PTPRG: variants seen among roughly 807,000 people sequenced by gnomAD.
PTPRG encodes the protein receptor-type tyrosine-protein phosphatase gamma.
A neutral mutation model predicts 165.3 loss-of-function variants in PTPRG; 102 were observed. That is an observed-to-expected ratio of 0.62 (90% CI 0.53 to 0.73). PTPRG has a LOEUF of 0.73. PTPRG is among the 30% of genes least tolerant of loss of function. PTPRG has a pLI of 0.00. For missense variants in PTPRG, 1,866 were observed against 1,861.4 expected, an observed-to-expected ratio of 1.00 and a Z score of -0.05; for synonymous variants, 675 against 669.5, an observed-to-expected ratio of 1.01 and a Z score of -0.13.
chr3:61,869,692 C>G (rs529314507), intron 2 of PTPRG, among the ~76,000 whole-genome samples: 13 of 152,256 alleles, frequency 8.5e-5, no homozygotes, highest in African/African-American at 2.4e-4. Context: ...GATCTTCCCC[C>G]CTCAGCCTCC....
chr3:61,756,148 A>AT (rs1291073240), intron 2 of PTPRG, among the ~76,000 whole-genome samples: 1 of 152,106 alleles, frequency 6.6e-6, no homozygotes, highest in African/African-American at 2.4e-5. Context: ...AAGATGAAGA[A>AT]TTTTGACTAG....
intron 28 of PTPRG, among the ~76,000 whole-genome samples, chr3:62,290,628 A>G (rs1576233287): frequency 6.6e-6 from 1 of 152,210 alleles, no homozygotes; most frequent in Admixed American, 6.6e-5. Context: ...GCTTGCATAT[A>G]TAAGAATGTA....
chr3:62,074,352 C>CTTTCTTTTT (rs1701310935), intron 4 of PTPRG, among the ~76,000 whole-genome samples: 5 of 109,114 alleles, frequency 4.6e-5, no homozygotes, highest in Admixed American at 2.0e-4. Context: ...TCTTTTCTTT[C>CTTTCTTTTT]TTTTTTTTTT....
chr3:61,653,783 C>T (rs1181213986), intron 1 of PTPRG, among the ~76,000 whole-genome samples: 1 of 151,546 alleles, frequency 6.6e-6, no homozygotes, highest in Non-Finnish European at 1.5e-5. Flanking sequence ...AGAATCTGCT[C>T]GCCTGTGAGA....
intron 2 of PTPRG, among the ~76,000 whole-genome samples, chr3:61,985,376 A>G (rs1161246113): frequency 6.6e-6 from 1 of 152,294 alleles, no homozygotes; most frequent in East Asian, 1.9e-4. Flanking sequence ...TGTCTGTTTC[A>G]TCCATTGCCT....
At chr3:62,159,373 T>C (rs540738109) in intron 7 of PTPRG, among the ~76,000 whole-genome samples, 1 of 152,190 alleles carries the variant, frequency 6.6e-6, no homozygotes, top group East Asian at 1.9e-4. Flanking sequence ...TAAGGAATAC[T>C]GATTTGGCTA....
At chr3:62,204,575 C>T (rs1017134337) in intron 12 of PTPRG, among the ~76,000 whole-genome samples, 3 of 152,148 alleles carry the variant, frequency 2.0e-5, no homozygotes, top group African/African-American at 7.2e-5. Context: ...AAACAGGATG[C>T]TGTCCAAGAG....
chr3:62,045,857 A>G (rs7628997), intron 4 of PTPRG, among the ~76,000 whole-genome samples: 33,482 of 152,112 alleles, frequency 0.22, 3,989 homozygotes, highest in African/African-American at 0.27. Context: ...TTGAAGTGAG[A>G]CTAGTTATCT....
At chr3:62,092,439 GAAAAAAA>G (rs55955359) in intron 5 of PTPRG, among the ~76,000 whole-genome samples, 3 of 89,436 alleles carry the variant, frequency 3.4e-5, no homozygotes, top group South Asian at 3.9e-4. Context: ...GAGTCCATCT[GAAAAAAA>G]AAAAAAAAAA....
At chr3:61,848,743 T>A (rs1241226691) in intron 2 of PTPRG, among the ~76,000 whole-genome samples, 2 of 152,182 alleles carry the variant, frequency 1.3e-5, no homozygotes, top group Non-Finnish European at 2.9e-5. Context: ...AATGCTTTAT[T>A]AAAGGAGAAG....
chr3:61,967,928 T>G (rs1368390774), intron 2 of PTPRG, among the ~76,000 whole-genome samples: 7 of 152,198 alleles, frequency 4.6e-5, no homozygotes, highest in African/African-American at 1.7e-4. Flanking sequence ...AATAAGTATT[T>G]TTAATAATAA....
chr3:61,903,310 G>C (rs1047859357), intron 2 of PTPRG, among the ~76,000 whole-genome samples: 1 of 152,162 alleles, frequency 6.6e-6, no homozygotes, highest in South Asian at 2.1e-4. Flanking sequence ...CTTTACATCT[G>C]CTCCTCTGAG....
intron 2 of PTPRG, among the ~76,000 whole-genome samples, chr3:61,975,120 A>G (rs2040472053): frequency 6.6e-6 from 1 of 152,202 alleles, no homozygotes; most frequent in South Asian, 2.1e-4. Context: ...GTCAGGAGCA[A>G]ATAAGGTAAT....
At chr3:62,066,896 G>A (rs1449282010) in intron 4 of PTPRG, among the ~76,000 whole-genome samples, 1 of 152,020 alleles carries the variant, frequency 6.6e-6, no homozygotes, top group African/African-American at 2.4e-5. Flanking sequence ...TAATTAGCTG[G>A]ATGTGGTGGC....
chr3:61,887,152 A>T (rs2038067868), intron 2 of PTPRG, among the ~76,000 whole-genome samples: 1 of 58,310 alleles, frequency 1.7e-5, no homozygotes, highest in East Asian at 3.6e-4. Context: ...ATATATATAT[A>T]TATATATATA....
At chr3:62,244,970 G>C (rs138532995) in intron 15 of PTPRG, among the ~76,000 whole-genome samples, 5 of 152,138 alleles carry the variant, frequency 3.3e-5, no homozygotes, top group African/African-American at 1.2e-4. Flanking sequence ...ACTACGTGTG[G>C]TTATGGTTGT....
chr3:61,964,749 C>G (rs969436301), intron 2 of PTPRG, among the ~76,000 whole-genome samples: 1 of 152,066 alleles, frequency 6.6e-6, no homozygotes, highest in African/African-American at 2.4e-5. Context: ...TCAGCCTGAG[C>G]TTCAGGCTTT....
intron 2 of PTPRG, among the ~76,000 whole-genome samples, chr3:61,855,949 T>C (rs532082319): frequency 6.6e-6 from 1 of 152,186 alleles, no homozygotes; most frequent in East Asian, 1.9e-4. Flanking sequence ...GATATCTCTA[T>C]ATCCCTCTGG....
At chr3:61,674,483 T>C (rs1488793866) in intron 1 of PTPRG, among the ~76,000 whole-genome samples, 2 of 50,474 alleles carry the variant, frequency 4.0e-5, no homozygotes, top group Non-Finnish European at 7.0e-5. Context: ...TGAGACTCCA[T>C]CTCAAAAAAA....
Sources: allele counts gnomAD v4.1 joint callset (sites outside exome capture counted in the v4.1 genomes callset), GRCh38; gene constraint gnomAD v4.1.1; transcripts MANE v1.5; gene names NCBI Gene and HGNC (gene_info 2026-07-23, HGNC 2026-07-21).